GBP7: variants seen among roughly 807,000 people sequenced by gnomAD.
GBP7 encodes the protein guanylate-binding protein 7.
A neutral mutation model predicts 61.3 loss-of-function variants in GBP7; 43 were observed. That is an observed-to-expected ratio of 0.70 (90% CI 0.55 to 0.91). The LOEUF is 0.91. Among genes scored for constraint, GBP7 ranks in the 40% least tolerant of loss-of-function variants. The pLI is 0.00. For missense variants in GBP7, 717 were observed against 740.5 expected (o/e 0.97, Z 0.37); for synonymous variants, 267 against 271.0 (o/e 0.99, Z 0.14).
At chr1:89,169,178 G>T (rs1437178664) in intron 2 of GBP7, among the ~76,000 whole-genome samples, 1 of 152,140 alleles carries the variant, frequency 6.6e-6, no homozygotes, top group Non-Finnish European at 1.5e-5. Context: ...AAGTGAGTTT[G>T]TATCTCTGTT....
intron 9 of GBP7, among the ~76,000 whole-genome samples, chr1:89,135,836 G>A (rs368382081): frequency 3.3e-5 from 5 of 152,096 alleles, no homozygotes; most frequent in African/African-American, 1.2e-4. Context: ...CTGTAAAAGG[G>A]CTAACAACCC....
rs750524021 is a variant in GBP7, at chr1:89,156,510, T to C, written c.319-3733A>G. On this transcript the variant is annotated intron_variant, in intron 3 of 10. Coordinates refer to ENST00000294671, the MANE Select transcript of GBP7 (RefSeq NM_207398.3). ...CTCAAGATAAAGGGATGGAGGAAGA[T>C]CTACCAAGCAAATGGAAAACAAACA... Among the ~76,000 whole-genome samples the C allele has an allele frequency of 6.5e-4, 99 of 152,124 alleles. No homozygotes were observed. The Middle Eastern group carries it at 0.031, about 47-fold the overall frequency.
chr1:89,162,414 G>T (rs1351291163), intron 3 of GBP7, among the ~76,000 whole-genome samples: 1 of 152,184 alleles, frequency 6.6e-6, no homozygotes, highest in African/African-American at 2.4e-5. Context: ...CATGAGGAAG[G>T]AATGTTTTTC....
intron 1 of GBP7, among the ~76,000 whole-genome samples, chr1:89,175,559 A>C (rs1244457668): frequency 7.9e-5 from 12 of 152,206 alleles, no homozygotes; most frequent in Non-Finnish European, 1.5e-4. Context: ...CTCTTTTTGC[A>C]GATCCCAAGT....
chr1:89,149,910 A>G (rs1275423770), intron 6 of GBP7, among the ~76,000 whole-genome samples: 1 of 152,210 alleles, frequency 6.6e-6, no homozygotes, highest in Non-Finnish European at 1.5e-5. Flanking sequence ...TATTCAGCAA[A>G]GTAAATTATA....
chr1:89,149,581 T>C lies in GBP7; in HGVS notation c.872-9A>G. Reference sequence around the variant, plus strand: ...CACCAGCATCCCCAGCCCTGAATGATTTAGGAAATTTAGGGAATAGATAGA... The same window carrying C: ...CACCAGCATCCCCAGCCCTGAATGACTTAGGAAATTTAGGGAATAGATAGA... On this transcript the variant is annotated splice_polypyrimidine_tract_variant and intron_variant, in intron 6 of 10. Coordinates refer to ENST00000294671, the MANE Select transcript of GBP7 (RefSeq NM_207398.3). 1.3e-6 allele frequency: 2 copies of C among 1,596,206 alleles called. No homozygotes were observed. The highest frequency in any genetic ancestry group is 1.7e-6 in the Non-Finnish European group (2 of 1,167,358).
chr1:89,156,133 C>T (rs564524734), intron 3 of GBP7, among the ~76,000 whole-genome samples: 1 of 152,294 alleles, frequency 6.6e-6, no homozygotes, highest in East Asian at 1.9e-4. Flanking sequence ...AAATAAAATA[C>T]TTTACAGACA....
At chr1:89,135,173 C>A (rs1195717445) in intron 9 of GBP7, among the ~76,000 whole-genome samples, 2 of 152,044 alleles carry the variant, frequency 1.3e-5, no homozygotes, top group Non-Finnish European at 2.9e-5. Context: ...AAAGAATGAA[C>A]AAAATCTCAG....
At chr1:89,141,358 T>C (rs1334348604) in intron 9 of GBP7, among the ~76,000 whole-genome samples, 188 bp downstream of exon 9, 3 of 152,206 alleles carry the variant, frequency 2.0e-5, no homozygotes, top group Non-Finnish European at 2.9e-5. Context: ...TGTTTAAGAA[T>C]GTTGTGGGAA....
chr1:89,156,288 G>A (rs1321261840), intron 3 of GBP7, among the ~76,000 whole-genome samples: 1 of 152,188 alleles, frequency 6.6e-6, no homozygotes, highest in Non-Finnish European at 1.5e-5. Flanking sequence ...GGAAGAAACT[G>A]CATCAACTAA....
chr1:89,150,572 T>C lies in GBP7; in HGVS notation c.629A>G (p.Lys210Arg), dbSNP rs1342158253. Reference sequence around the variant, plus strand: ...GTTAGAATTTTGGATTTGGGGATTCTTGCCTGCAGAATTAGTGAAAAAGTG... The same window carrying C: ...GTTAGAATTTTGGATTTGGGGATTCCTGCCTGCAGAATTAGTGAAAAAGTG... ...LENALKLISG[K>R]NPQIQNSNKP... The change falls in exon 6 of 11, where the codon AAG becomes AGG. Residue 210 changes from lysine to arginine, a missense_variant. Transcript: ENST00000294671. 1.9e-6 allele frequency: 3 copies of C among 1,613,370 alleles called. No individual in the cohort carries two copies. Among genetic ancestry groups the C allele is most frequent in the Non-Finnish European group, 2.5e-6 (3 of 1,179,516 alleles).
At chr1:89,170,346 G>T (rs1451114359) in intron 2 of GBP7, among the ~76,000 whole-genome samples, 2 of 152,130 alleles carry the variant, frequency 1.3e-5, no homozygotes, top group African/African-American at 2.4e-5. Context: ...CTGCAGAAAC[G>T]ACACTCCTAA....
At chr1:89,167,580 G>C (rs60670136) in intron 2 of GBP7, among the ~76,000 whole-genome samples, 1,721 of 152,288 alleles carry the variant, frequency 0.011, 29 homozygotes, top group African/African-American at 0.039. Context: ...ATAGGCATGG[G>C]TTGACCAATT....
chr1:89,158,471 A>G (rs1232463785), intron 3 of GBP7, among the ~76,000 whole-genome samples: 1 of 152,234 alleles, frequency 6.6e-6, no homozygotes, highest in African/African-American at 2.4e-5. Context: ...CCATTGTCTC[A>G]GCCCAAAATC....
chr1:89,144,467 C>T (rs1005347979), intron 8 of GBP7, among the ~76,000 whole-genome samples: 15 of 152,018 alleles, frequency 9.9e-5, no homozygotes, highest in African/African-American at 3.6e-4. Context: ...AAACTGCTTC[C>T]CACAGAGGAA....
rs750087662 is a variant in GBP7, at chr1:89,152,294, A to G, written c.599T>C (p.Leu200Pro). 3.1e-6 allele frequency: 5 copies of G among 1,614,100 alleles called. No individual in the cohort carries two copies. Among genetic ancestry groups the G allele is most frequent in the South Asian group, 1.1e-5 (1 of 91,068 alleles). Residue 200 changes from leucine (L) to proline (P), a missense_variant, in exon 5 of 11, where the codon CTG becomes CCG. This residue lies in a region of GBP7 where 387 missense variants were observed against 385.2 expected (regional missense o/e 1.00). Transcript: ENST00000294671. ...DGHPITEDEY[L>P]ENALKLISGK... The stretch of plus-strand genomic sequence containing the variant: ...TGAAATCAGCTTCAAGGCATTCTCC[A>G]GGTACTCATCTTCTGTGATGGGGTG...
At chr1:89,141,746 T>C (rs1681957173) in intron 8 of GBP7, 98 bp from the exon 9 acceptor site, 4 of 885,986 alleles carry the variant, frequency 4.5e-6, no homozygotes, top group Non-Finnish European at 5.5e-6. Flanking sequence ...TCTAACCTTG[T>C]AAACTTCACA....
At chr1:89,155,902 T>C (rs1682306185) in intron 3 of GBP7, among the ~76,000 whole-genome samples, 1 of 152,106 alleles carries the variant, frequency 6.6e-6, no homozygotes, top group Admixed American at 6.5e-5. Flanking sequence ...AGACACATAA[T>C]TGTCAGATTC....
chr1:89,150,687 T>G (rs759197017), intron 5 of GBP7, 112 bp from the exon 6 acceptor site: 2 of 1,103,236 alleles, frequency 1.8e-6, no homozygotes, highest in Non-Finnish European at 2.6e-6. Context: ...TGTCTGTGAA[T>G]CTACTCTATG....
Sources: gnomAD v4.1 joint callset for allele counts (sites outside exome capture counted in the v4.1 genomes callset) on GRCh38, gnomAD v4.1.1 for gene constraint, gnomAD v4.1.1 regional missense constraint, MANE v1.5 for transcripts, NCBI Gene and HGNC (gene_info 2026-07-23, HGNC 2026-07-21) for gene names.